Variants in GRM7 observed in about 807,000 individuals in gnomAD.
The protein encoded by GRM7 is metabotropic glutamate receptor 7.
GRM7 carries 35 observed loss-of-function variants against 84.5 expected under a neutral mutation model. The ratio of observed to expected loss-of-function variants is 0.41; its 90% CI spans 0.32 to 0.55. The LOEUF (loss-of-function observed/expected upper bound fraction) is 0.55, where lower values mean the gene tolerates loss of function less well. GRM7 is among the 20% of genes least tolerant of loss of function. The pLI, the probability that GRM7 is intolerant of heterozygous loss-of-function variation, is 0.19. For missense variants in GRM7, 1,003 were observed against 1,194.6 expected (o/e 0.84, Z 2.36); for synonymous variants, 487 against 455.1 (o/e 1.07, Z -0.89).
chr3:7,419,657 C>T (rs188536573), intron 5 of GRM7, among the ~76,000 whole-genome samples: 200 of 152,240 alleles, frequency 1.3e-3, no homozygotes, highest in Middle Eastern at 3.4e-3. Context: ...TCGTGACTTA[C>T]CCAGAACATT....
intron 4 of GRM7, among the ~76,000 whole-genome samples, chr3:7,379,787 A>G (rs1243962820): frequency 6.6e-6 from 1 of 152,136 alleles, no homozygotes; most frequent in East Asian, 1.9e-4. Context: ...ATGTTGTCCT[A>G]CATCCTTGCT....
At chr3:7,442,836 G>A (rs1697348129) in intron 5 of GRM7, among the ~76,000 whole-genome samples, 1 of 152,090 alleles carries the variant, frequency 6.6e-6, no homozygotes, top group South Asian at 2.1e-4. Flanking sequence ...GAGTAGAACT[G>A]TGAAAGCTGA....
chr3:7,249,860 T>C (rs1055706571), intron 2 of GRM7, among the ~76,000 whole-genome samples: 1 of 152,204 alleles, frequency 6.6e-6, no homozygotes, highest in Non-Finnish European at 1.5e-5. Flanking sequence ...CCTGCACTAA[T>C]ACTATCTTCT....
At chr3:7,076,393 A>G (rs967693975) in intron 1 of GRM7, among the ~76,000 whole-genome samples, 1 of 152,044 alleles carries the variant, frequency 6.6e-6, no homozygotes, top group Admixed American at 6.6e-5. Context: ...AGTTTCCCCC[A>G]TGCTGTTCTT....
At chr3:7,510,510 C>A (rs560755494) in intron 7 of GRM7, among the ~76,000 whole-genome samples, 4 of 152,046 alleles carry the variant, frequency 2.6e-5, no homozygotes, top group African/African-American at 7.2e-5. Context: ...TGTTGGGGAA[C>A]CTTGTAGCCA....
At chr3:7,290,548 GTGCAGATAGCACT>G (rs1699585228) in intron 2 of GRM7, among the ~76,000 whole-genome samples, 1 of 152,180 alleles carries the variant, frequency 6.6e-6, no homozygotes, top group Admixed American at 6.5e-5. Context: ...TCATTAGCAT[GTGCAGATAGCACT>G]TGCATTCTGC....
At chr3:6,911,570 C>T (rs1251027388) in intron 1 of GRM7, among the ~76,000 whole-genome samples, 1 of 152,026 alleles carries the variant, frequency 6.6e-6, no homozygotes, top group African/African-American at 2.4e-5. Flanking sequence ...TGGAAAAAGT[C>T]ATCTCAGTAA....
intron 1 of GRM7, among the ~76,000 whole-genome samples, chr3:6,932,513 A>T (rs1697539383): frequency 6.6e-6 from 1 of 152,156 alleles, no homozygotes; most frequent in Non-Finnish European, 1.5e-5. Flanking sequence ...TGTCTTTTAG[A>T]TTTAAAAACA....
chr3:7,423,985 C>A (rs962916554), intron 5 of GRM7, among the ~76,000 whole-genome samples: 6 of 152,108 alleles, frequency 3.9e-5, no homozygotes, highest in African/African-American at 1.4e-4. Flanking sequence ...ATTCAAGCTG[C>A]CTGCTTCAGT....
intron 7 of GRM7, among the ~76,000 whole-genome samples, chr3:7,528,033 G>A (rs780797838): frequency 2.0e-5 from 3 of 151,888 alleles, no homozygotes; most frequent in African/African-American, 4.8e-5. Context: ...CATAATACTG[G>A]TTTCACAGAA....
intron 8 of GRM7, among the ~76,000 whole-genome samples, chr3:7,674,273 C>A (rs890803306): frequency 6.6e-6 from 1 of 151,688 alleles, no homozygotes; most frequent in Admixed American, 6.6e-5. Context: ...CTCACTGCAA[C>A]CTCTGCCTTC....
intron 1 of GRM7, among the ~76,000 whole-genome samples, chr3:7,100,046 A>G (rs1301851521): frequency 6.7e-6 from 1 of 149,872 alleles, no homozygotes; most frequent in Non-Finnish European, 1.5e-5. Context: ...TATGTATATT[A>G]CATATAATAT....
At chr3:7,022,538 T>A (rs1227303183) in intron 1 of GRM7, among the ~76,000 whole-genome samples, 1 of 151,598 alleles carries the variant, frequency 6.6e-6, no homozygotes, top group Non-Finnish European at 1.5e-5. Context: ...CCCAAAAAAA[T>A]ATTTTCTTTT....
intron 8 of GRM7, among the ~76,000 whole-genome samples, chr3:7,665,472 G>T (rs757570634): frequency 1.3e-5 from 2 of 151,960 alleles, no homozygotes; most frequent in Non-Finnish European, 2.9e-5. Context: ...ACCGCGCCCG[G>T]CCTTGCCCAT....
chr3:7,050,883 A>G (rs769824702), intron 1 of GRM7, among the ~76,000 whole-genome samples: 6 of 151,872 alleles, frequency 4.0e-5, no homozygotes, highest in Non-Finnish European at 7.4e-5. Flanking sequence ...ATTAGATGCC[A>G]GTTGAATGAA....
At chr3:7,478,453 G>A (rs2124932981) in intron 7 of GRM7, among the ~76,000 whole-genome samples, 1 of 152,280 alleles carries the variant, frequency 6.6e-6, no homozygotes, top group African/African-American at 2.4e-5. Context: ...TTTTGCAAAG[G>A]AAGGAGAGAG....
At chr3:7,180,605 T>G (rs73124147) in intron 2 of GRM7, among the ~76,000 whole-genome samples, 2,959 of 152,318 alleles carry the variant, frequency 0.019, 82 homozygotes, top group African/African-American at 0.067. Flanking sequence ...AAATTCATAC[T>G]GTTTTTCAAA....
intron 8 of GRM7, among the ~76,000 whole-genome samples, chr3:7,652,037 A>G (rs1358420478): frequency 1.3e-5 from 2 of 152,216 alleles, no homozygotes; most frequent in Non-Finnish European, 2.9e-5. Context: ...GGGGGAAAAA[A>G]TGGAACATTC....
chr3:6,961,022 T>C (rs541740971), intron 1 of GRM7, among the ~76,000 whole-genome samples: 1 of 152,216 alleles, frequency 6.6e-6, no homozygotes, highest in Non-Finnish European at 1.5e-5. Context: ...ATTTTTGTCC[T>C]TATTTCTGGT....
Sources: gnomAD v4.1 joint callset for allele counts (sites outside exome capture counted in the v4.1 genomes callset) on GRCh38, gnomAD v4.1.1 for gene constraint, MANE v1.5 for transcripts, NCBI Gene and HGNC (gene_info 2026-07-23, HGNC 2026-07-21) for gene names.